ATF7: variants seen among roughly 807,000 people sequenced by gnomAD.
The protein encoded by ATF7 is cyclic AMP-dependent transcription factor ATF-7.
ATF7 carries 10 observed loss-of-function variants against 50.4 expected under a neutral mutation model. The ratio of observed to expected loss-of-function variants is 0.20; its 90% confidence interval spans 0.12 to 0.34. The LOEUF is 0.34. ATF7 is among the 10% of genes least tolerant of loss of function. The pLI, the probability that ATF7 is intolerant of heterozygous loss-of-function variation, is 1.00. For synonymous variants in ATF7, 201 were observed against 226.4 expected, an observed-to-expected ratio of 0.89 and a Z score of 1.01; for missense variants, 465 against 613.9, an observed-to-expected ratio of 0.76 and a Z score of 2.56.
rs115727985 is a variant in ATF7 at position 53,538,535 on chromosome 12, T to C, written c.265-983A>G. ...AGGAAAGAGAGCACTTTCCTGGCAGTGATGCAATCACCTCACAGAACTGTG... is the reference window on the plus strand; with the variant it reads ...AGGAAAGAGAGCACTTTCCTGGCAGCGATGCAATCACCTCACAGAACTGTG... On this transcript the variant is annotated intron_variant, in intron 4 of 11. Coordinates refer to ENST00000420353, the MANE Select transcript of ATF7 (RefSeq NM_006856.3). Among the ~76,000 whole-genome samples, 523 of 152,280 alleles carry C rather than the reference T, an allele frequency of 3.4e-3. 2 individuals carry two copies. The highest frequency in any genetic ancestry group is 0.012 in the African/African-American group (498 of 41,564).
chr12:53,517,058 T>G lies in ATF7; in HGVS notation c.*79A>C. 4 of 1,470,278 alleles carry G rather than the reference T, an allele frequency of 2.7e-6. No individual in the cohort carries two copies. The highest frequency in any genetic ancestry group is 3.8e-6 in the Non-Finnish European group (4 of 1,065,836). The allele number at this position is 1,470,278 out of a possible 1,614,324, so 91.1% of individuals were successfully genotyped here. A position where few individuals can be genotyped will look rare whatever the true frequency, so the allele number is the denominator to read the frequency against. On this transcript the variant is annotated 3_prime_UTR_variant, in exon 12 of 12. Transcript: ENST00000420353. ...CCCATATTGCCATGTCCAAGGCAGA[T>G]GGGAGGGGATAAGATGACATCTCTC...
At chr12:53,613,700 T>C (rs891052186) in intron 1 of ATF7, among the ~76,000 whole-genome samples, 1 of 151,924 alleles carries the variant, frequency 6.6e-6, no homozygotes, top group South Asian at 2.1e-4. Context: ...TTTAAAATTT[T>C]TGTAAAGACA....
chr12:53,582,223 G>A (rs1321807752), intron 2 of ATF7, among the ~76,000 whole-genome samples: 1 of 152,000 alleles, frequency 6.6e-6, no homozygotes, highest in African/African-American at 2.4e-5. Flanking sequence ...CAGCTACTCA[G>A]GAGGCTGAGG....
Position 53,600,950 on chromosome 12 carries a change from TA to T in ATF7, c.48+2del. On this transcript the variant is annotated splice_donor_variant, in intron 2 of 11. Transcript: ENST00000420353. LOFTEE classifies it high-confidence loss of function. ...TTCACAATAAAGTATATTGTAAACG[TA>T]CCTGTCCACAGCCCGGGGCATTGCA... 6.2e-7 allele frequency: 1 copy of T among 1,613,032 alleles called. No individual in the cohort carries two copies. The highest frequency in any genetic ancestry group is 8.5e-7 in the Non-Finnish European group (1 of 1,179,502).
At position 53,515,838 on chromosome 12, in the gene ATF7, G is replaced by A. The variant is rs1202926219; in HGVS notation, c.*1299C>T. The A allele has an allele frequency of 6.6e-6, 1 of 152,372 alleles. No individual in the cohort carries two copies. Among genetic ancestry groups the A allele is most frequent in the Non-Finnish European group, 1.5e-5 (1 of 68,156 alleles). 9.4% of individuals were successfully genotyped at this position (152,372 alleles called of 1,614,324 possible). A position where few individuals can be genotyped will look rare whatever the true frequency, so the allele number is the denominator to read the frequency against. On this transcript the variant is annotated 3_prime_UTR_variant, in exon 12 of 12. Transcript: ENST00000420353. Reference sequence around the variant, plus strand: ...CATGTAAAGAGAAGAGAGAAGAAATGGGTTGAAGAAACTCTGGAGGACCTG... The same window carrying A: ...CATGTAAAGAGAAGAGAGAAGAAATAGGTTGAAGAAACTCTGGAGGACCTG...
intron 2 of ATF7, chr12:53,574,509 A>G (rs1391359291): frequency 6.5e-6 from 1 of 152,890 alleles, no homozygotes; most frequent in Admixed American, 6.5e-5. Flanking sequence ...CTCTGTCCCT[A>G]CTGCCCACTG....
intron 2 of ATF7, among the ~76,000 whole-genome samples, chr12:53,553,491 G>A (rs1565947430): frequency 6.6e-6 from 1 of 152,174 alleles, no homozygotes; most frequent in Non-Finnish European, 1.5e-5. Context: ...AGAAAAGTGG[G>A]CTAACTCTAT....
At position 53,512,979 on chromosome 12, in the gene ATF7, T is replaced by C. The variant is rs1281664401; in HGVS notation, c.*4158A>G. 3 of 152,108 alleles carry C rather than the reference T, an allele frequency of 2.0e-5. No homozygotes were observed. Among genetic ancestry groups the C allele is most frequent in the African/African-American group, 7.2e-5 (3 of 41,430 alleles). 9.4% of individuals were successfully genotyped at this position (152,108 alleles called of 1,614,324 possible). On this transcript the variant is annotated 3_prime_UTR_variant, in exon 12 of 12. Transcript: ENST00000420353. Reference sequence around the variant, plus strand: ...CCTGAGAATGTGTATTTCTAACAAGTTCCCAGATTACTGTGGCACTGCCCT... The same window carrying C: ...CCTGAGAATGTGTATTTCTAACAAGCTCCCAGATTACTGTGGCACTGCCCT...
intron 1 of ATF7, among the ~76,000 whole-genome samples, chr12:53,609,246 C>G (rs1245423053): frequency 6.6e-6 from 1 of 151,294 alleles, no homozygotes; most frequent in Non-Finnish European, 1.5e-5. Flanking sequence ...CCTCTGCCTT[C>G]CAGGTTCAAG....
chr12:53,600,909 G>A (rs1208669867), intron 2 of ATF7, 44 bp downstream of exon 2: 1 of 1,594,860 alleles, frequency 6.3e-7, no homozygotes, highest in East Asian at 2.2e-5. Flanking sequence ...CAGCCACTTT[G>A]ATTCACAACG....
chr12:53,534,758 A>G, intron 5 of ATF7, 99 bp from the exon 6 acceptor site: 1 of 1,334,750 alleles, frequency 7.5e-7, no homozygotes, highest in Non-Finnish European at 1.0e-6. Context: ...TGGAAAGAGC[A>G]TTAGAGCCAC....
At chr12:53,601,085 G>T in intron 1 of ATF7, 64 bp from the exon 2 acceptor site, 1 of 980,034 alleles carries the variant, frequency 1.0e-6, no homozygotes, top group Non-Finnish European at 1.5e-6. Flanking sequence ...AAAAAAAAAA[G>T]TGCTTCAAAA....
intron 4 of ATF7, 27 bp downstream of exon 4, chr12:53,543,303 T>C: frequency 6.4e-7 from 1 of 1,559,964 alleles, no homozygotes. Flanking sequence ...ATACCACCAG[T>C]TTTTTGGCAA....
At chr12:53,559,572 G>A (rs1411932022) in intron 2 of ATF7, among the ~76,000 whole-genome samples, 3 of 151,686 alleles carry the variant, frequency 2.0e-5, no homozygotes, top group Non-Finnish European at 2.9e-5. Flanking sequence ...CCAGCTACTC[G>A]GGAGGCTGAG....
At chr12:53,545,035 C>T (rs1939812442) in intron 3 of ATF7, among the ~76,000 whole-genome samples, 1 of 151,986 alleles carries the variant, frequency 6.6e-6, no homozygotes, top group African/African-American at 2.4e-5. Context: ...AAGGGCATAC[C>T]CAAAATCATA....
intron 1 of ATF7, among the ~76,000 whole-genome samples, chr12:53,621,253 G>C (rs764856463): frequency 9.2e-5 from 14 of 152,134 alleles, no homozygotes; most frequent in Non-Finnish European, 1.8e-4. Flanking sequence ...TCCAAAAGTT[G>C]ACTAACAGGT....
intron 2 of ATF7, among the ~76,000 whole-genome samples, chr12:53,563,721 T>A (rs1012704558): frequency 1.3e-5 from 2 of 152,260 alleles, no homozygotes; most frequent in African/African-American, 4.8e-5. Flanking sequence ...TGGCACTCAA[T>A]AAATTATTGC....
At chr12:53,517,595 C>A in intron 11 of ATF7, 1 of 541,452 alleles carries the variant, frequency 1.8e-6, no homozygotes, top group Non-Finnish European at 3.3e-6. Context: ...TAAAATGAAT[C>A]TCCAACATGT....
At chr12:53,535,330 A>G (rs1004086960) in intron 5 of ATF7, among the ~76,000 whole-genome samples, 2 of 146,408 alleles carry the variant, frequency 1.4e-5, no homozygotes, top group Non-Finnish European at 3.0e-5. Flanking sequence ...CTCTGCCTCA[A>G]AAAAAAAAAA....
Sources: allele counts gnomAD v4.1 joint callset (sites outside exome capture counted in the v4.1 genomes callset), GRCh38; gene constraint gnomAD v4.1.1; transcripts MANE v1.5; gene names NCBI Gene and HGNC (gene_info 2026-07-23, HGNC 2026-07-21).